RNF121: variants seen among roughly 807,000 people sequenced by gnomAD.
RNF121 encodes E3 ubiquitin ligase RNF121.
A neutral mutation model predicts 46.5 loss-of-function variants in RNF121; 21 were observed. The observed-to-expected ratio is 0.45, with a 90% CI of 0.32 to 0.65. The LOEUF (loss-of-function observed/expected upper bound fraction) is 0.65, where lower values mean the gene tolerates loss of function less well. Among genes scored for constraint, RNF121 ranks in the 30% least tolerant of loss-of-function variants. The probability of loss-of-function intolerance (pLI) is 0.04; values close to 1 mark genes in which losing one functional copy is unlikely to be tolerated. For missense variants in RNF121, 346 were observed against 416.0 expected, an observed-to-expected ratio of 0.83 and a Z score of 1.46; for synonymous variants, 139 against 144.7, an observed-to-expected ratio of 0.96 and a Z score of 0.28.
intron 4 of RNF121, 54 bp from the exon 5 acceptor site, chr11:71,986,950 C>T: frequency 2.0e-6 from 2 of 1,019,596 alleles, no homozygotes; most frequent in Non-Finnish European, 3.1e-6. Context: ...TGATCAGGAC[C>T]ATTAAGGCCA....
chr11:71,960,575 C>T (rs1350399482), intron 2 of RNF121, among the ~76,000 whole-genome samples, 175 bp from the exon 3 acceptor site: 1 of 152,054 alleles, frequency 6.6e-6, no homozygotes, highest in African/African-American at 2.4e-5. Context: ...TATTCTATCT[C>T]GACATGCCTG....
At chr11:71,985,840 C>T (rs1954761448) in intron 4 of RNF121, among the ~76,000 whole-genome samples, 1 of 152,122 alleles carries the variant, frequency 6.6e-6, no homozygotes, top group Admixed American at 6.5e-5. Context: ...TGCCTGTAAT[C>T]CCAGCACTTT....
chr11:71,995,649 C>A, intron 8 of RNF121, 98 bp downstream of exon 8: 1 of 884,116 alleles, frequency 1.1e-6, no homozygotes, highest in Non-Finnish European at 1.8e-6. Context: ...CTCACTTCTG[C>A]CCCCAACCAG....
chr11:71,957,129 C>G (rs1272121112), intron 1 of RNF121, 98 bp from the exon 2 acceptor site: 1 of 834,484 alleles, frequency 1.2e-6, no homozygotes, highest in Non-Finnish European at 2.1e-6. Flanking sequence ...TGAAGCTTCT[C>G]TAATTCCTTG....
chr11:71,986,054 C>A (rs1413667747), intron 4 of RNF121, among the ~76,000 whole-genome samples: 1 of 152,192 alleles, frequency 6.6e-6, no homozygotes, highest in Non-Finnish European at 1.5e-5. Flanking sequence ...GCACACTACT[C>A]CTCCTTCAGG....
chr11:71,982,990 T>C, intron 4 of RNF121, 75 bp downstream of exon 4: 1 of 1,374,250 alleles, frequency 7.3e-7, no homozygotes, highest in South Asian at 1.9e-5. Context: ...GGAGCATAGG[T>C]TTAGACTGAA....
At chr11:71,966,700 G>A (rs1954285297) in intron 3 of RNF121, among the ~76,000 whole-genome samples, 1 of 151,820 alleles carries the variant, frequency 6.6e-6, no homozygotes, top group African/African-American at 2.4e-5. Flanking sequence ...TATTGCCCAG[G>A]CTGGTCTTGA....
intron 1 of RNF121, among the ~76,000 whole-genome samples, chr11:71,931,586 CT>C (rs1187869254): frequency 6.6e-6 from 1 of 152,154 alleles, no homozygotes; most frequent in African/African-American, 2.4e-5. Flanking sequence ...GTGTTATGCA[CT>C]GATAATTCAA....
intron 1 of RNF121, among the ~76,000 whole-genome samples, chr11:71,947,906 A>G (rs1953763279): frequency 6.6e-6 from 1 of 152,244 alleles, no homozygotes; most frequent in Non-Finnish European, 1.5e-5. Context: ...GCACTATGGC[A>G]ATGAAAAACT....
chr11:71,952,739 G>A (rs959879030), intron 1 of RNF121, among the ~76,000 whole-genome samples: 2 of 152,180 alleles, frequency 1.3e-5, no homozygotes, highest in African/African-American at 2.4e-5. Context: ...AGCCTGGAAG[G>A]CGGAGGTTGA....
Position 71,967,339 on chromosome 11 carries a change from G to GTTTTTTTTT in RNF121, c.243+6448_243+6449insTTTTTTTTT, listed in dbSNP as rs1251537488. On this transcript the variant is annotated intron_variant, in intron 3 of 8. Transcript: ENST00000361756. ...TACTTTGGAAGGTAATAATTATGTG[G>GTTTTTTTTT]GTTTTTTTTGTTTTTTTTTTTTTTT... 1.5e-4 allele frequency among the ~76,000 whole-genome samples: 10 copies of GTTTTTTTTT among 68,356 alleles called. 3 individuals carry two copies. The highest frequency in any genetic ancestry group is 5.6e-4 in the South Asian group (1 of 1,794). The allele number at this position is 68,356 out of a possible 152,430, so 44.8% of individuals were successfully genotyped here.
At position 71,960,786 on chromosome 11, in the gene RNF121, C is replaced by T; in HGVS notation, c.138C>T (p.Gly46=). Reference sequence around the variant, plus strand: ...CACGCATGCATGCCAAGCACCGTGGCCATGAAGCTATGCATGCTGAAATGG... The same window carrying T: ...CACGCATGCATGCCAAGCACCGTGGTCATGAAGCTATGCATGCTGAAATGG... ...EHARMHAKHR[G]HEAMHAEMVL... Residue 46 remains glycine, a synonymous_variant, in exon 3 of 9, where the codon GGC becomes GGT. Transcript: ENST00000361756. The T allele has an allele frequency of 6.2e-7, 1 of 1,614,158 alleles. No homozygotes were observed. Among genetic ancestry groups the T allele is most frequent in the Non-Finnish European group, 8.5e-7 (1 of 1,180,008 alleles).
intron 1 of RNF121, among the ~76,000 whole-genome samples, chr11:71,936,028 T>C (rs1781761726): frequency 6.6e-6 from 1 of 151,360 alleles, no homozygotes; most frequent in African/African-American, 2.4e-5. Context: ...TTTGTATTTT[T>C]AGTAGAGACA....
chr11:71,952,533 G>A (rs940389367), intron 1 of RNF121, among the ~76,000 whole-genome samples: 1 of 152,200 alleles, frequency 6.6e-6, no homozygotes, highest in African/African-American at 2.4e-5. Context: ...ACATGGCCAG[G>A]CTCGGTGGCT....
At chr11:71,994,585 AG>A in intron 6 of RNF121, 133 bp from the exon 7 acceptor site, 1 of 954,950 alleles carries the variant, frequency 1.0e-6, no homozygotes, top group South Asian at 1.6e-5. Flanking sequence ...AAAAAAAAAA[AG>A]ATGTCCTCTA....
intron 3 of RNF121, among the ~76,000 whole-genome samples, chr11:71,979,961 A>G (rs924483021): frequency 1.3e-5 from 2 of 152,170 alleles, no homozygotes; most frequent in South Asian, 4.1e-4. Flanking sequence ...TTCTTTCCAT[A>G]TGCCACCCTT....
At chr11:71,930,910 A>G (rs1484183710) in intron 1 of RNF121, among the ~76,000 whole-genome samples, 2 of 152,138 alleles carry the variant, frequency 1.3e-5, no homozygotes, top group East Asian at 1.9e-4. Flanking sequence ...TCAGCTCACC[A>G]CAACCTCTGC....
intron 1 of RNF121, among the ~76,000 whole-genome samples, chr11:71,933,950 A>G (rs1404858274): frequency 2.0e-5 from 3 of 152,182 alleles, no homozygotes; most frequent in Non-Finnish European, 4.4e-5. Flanking sequence ...GAATTGAGTT[A>G]TTGGATGAAA....
At chr11:71,960,609 C>T (rs1007350996) in intron 2 of RNF121, 141 bp from the exon 3 acceptor site, 4 of 921,942 alleles carry the variant, frequency 4.3e-6, no homozygotes, top group Non-Finnish European at 4.8e-6. Context: ...GTGTCCTAGC[C>T]CCTAATTTGT....
Sources: allele counts gnomAD v4.1 joint callset (sites outside exome capture counted in the v4.1 genomes callset), GRCh38; gene constraint gnomAD v4.1.1; transcripts MANE v1.5; gene names NCBI Gene and HGNC (gene_info 2026-07-23, HGNC 2026-07-21).